The following TNPO3 variants were observed in gnomAD, a reference collection of about 807,000 sequenced individuals.
The protein encoded by TNPO3 is transportin 3, also known as transportin-3.
Under a neutral mutation model 122.8 loss-of-function variants are expected in TNPO3, and 65 were observed. The ratio of observed to expected loss-of-function variants is 0.53; its 90% CI spans 0.43 to 0.65. The LOEUF is 0.65. TNPO3 is among the 30% of genes least tolerant of loss of function. The pLI is 0.00. For missense variants in TNPO3, 850 were observed against 1,136.7 expected (o/e 0.75, Z 3.63); for synonymous variants, 372 against 411.2 (o/e 0.90, Z 1.15).
At position 128,975,863 on chromosome 7, in the gene TNPO3, C is replaced by T. The variant is rs776486294; in HGVS notation, c.2134G>A (p.Gly712Ser). 1 of 1,613,990 alleles carries T rather than the reference C, an allele frequency of 6.2e-7. No homozygotes were observed. ...YLGSILVDEY[G>S]MEEGCRQGLL... ...CCCTGCCGACAGCCTTCTTCCATGC[C>T]ATATTCATCCACAAGGATACTGCCA... is the stretch of plus-strand genomic sequence containing the variant. The change falls in exon 17 of 23, where the codon GGC (glycine) becomes AGC (serine). Residue 712 changes from glycine to serine, a missense_variant. By Grantham distance (56) the Gly-to-Ser change is moderately conservative. Coordinates refer to ENST00000265388, the MANE Select transcript of TNPO3 (RefSeq NM_012470.4).
At chr7:128,986,589 G>T in intron 12 of TNPO3, 140 bp downstream of exon 12, 1 of 718,064 alleles carries the variant, frequency 1.4e-6, no homozygotes, top group Non-Finnish European at 2.3e-6. Context: ...ATCCCCTCTA[G>T]TGGAAAAGCC....
chr7:128,967,636 G>A (rs1217715295), intron 20 of TNPO3, among the ~76,000 whole-genome samples: 1 of 152,144 alleles, frequency 6.6e-6, no homozygotes, highest in African/African-American at 2.4e-5. Flanking sequence ...TTCAGAAAAC[G>A]ACTTTCTACA....
intron 1 of TNPO3, among the ~76,000 whole-genome samples, chr7:129,048,558 T>C (rs1306750085): frequency 3.3e-5 from 5 of 151,908 alleles, no homozygotes; most frequent in South Asian, 4.1e-4. Context: ...GAGAGCCTTA[T>C]TGAGTCAAAA....
intron 15 of TNPO3, among the ~76,000 whole-genome samples, 172 bp downstream of exon 15, chr7:128,979,799 T>C (rs1036318968): frequency 6.6e-6 from 1 of 152,206 alleles, no homozygotes; most frequent in Non-Finnish European, 1.5e-5. Flanking sequence ...TGTTATCAAA[T>C]CTAAAATAAA....
At chr7:128,966,696 A>G (rs1797955519) in intron 21 of TNPO3, among the ~76,000 whole-genome samples, 1 of 152,234 alleles carries the variant, frequency 6.6e-6, no homozygotes, top group African/African-American at 2.4e-5. Flanking sequence ...AACTGTATTA[A>G]AAATATTTAT....
chr7:128,979,552 A>G (rs546025512), intron 15 of TNPO3, among the ~76,000 whole-genome samples: 1 of 152,354 alleles, frequency 6.6e-6, no homozygotes, highest in Non-Finnish European at 1.5e-5. Context: ...GTGTTGATGT[A>G]ATTTGTCCTC....
At chr7:129,027,672 C>T (rs992083186) in intron 1 of TNPO3, among the ~76,000 whole-genome samples, 1 of 149,058 alleles carries the variant, frequency 6.7e-6, no homozygotes, top group African/African-American at 2.5e-5. Context: ...CCACAGTTCC[C>T]AGAAAGAAGG....
chr7:129,041,968 C>T (rs553301711), intron 1 of TNPO3, among the ~76,000 whole-genome samples: 186 of 152,288 alleles, frequency 1.2e-3, no homozygotes, highest in Non-Finnish European at 2.4e-3. Flanking sequence ...CCAAGACTCA[C>T]TTCTATACTA....
intron 8 of TNPO3, among the ~76,000 whole-genome samples, chr7:128,995,038 G>GATCC (rs1304864696): frequency 2.0e-5 from 3 of 152,306 alleles, no homozygotes; most frequent in African/African-American, 7.2e-5. Context: ...GGGTTCAAGT[G>GATCC]ATCCTCCTGC....
rs143807148 is a variant in TNPO3 at position 128,988,484 on chromosome 7, C to A, written c.1498+1477G>T. 7.7e-4 allele frequency among the ~76,000 whole-genome samples: 118 copies of A among 152,276 alleles called. 2 individuals are homozygous for A. The East Asian group carries it at 0.018, about 24-fold the overall frequency. ...TCTAATAATGTAGACTTCTGTGATTCCCAAATTGGGTGTTTGTGGTTTTGA... is the reference window on the plus strand; with the variant it reads ...TCTAATAATGTAGACTTCTGTGATTACCAAATTGGGTGTTTGTGGTTTTGA... On this transcript the variant is annotated intron_variant, in intron 11 of 22. Coordinates refer to ENST00000265388, the MANE Select transcript of TNPO3 (RefSeq NM_012470.4).
At chr7:129,027,676 A>G (rs1039051485) in intron 1 of TNPO3, among the ~76,000 whole-genome samples, 5 of 151,646 alleles carry the variant, frequency 3.3e-5, no homozygotes, top group Non-Finnish European at 5.9e-5. Context: ...AGTTCCCAGA[A>G]AGAAGGGAAT....
rs902772145 is a variant in TNPO3, at chr7:128,954,427, T to A, written c.*990A>T. 6.6e-6 allele frequency: 1 copy of A among 152,198 alleles called. No homozygotes were observed. Among genetic ancestry groups the A allele is most frequent in the African/African-American group, 2.4e-5 (1 of 41,448 alleles). 9.4% of individuals were successfully genotyped at this position (152,198 alleles called of 1,614,324 possible). Reference sequence around the variant, plus strand: ...TCATCCCTTGTTAGCCCTGTAAACATTTTTTCTCCACACACCCTCCCTCTT... The same window carrying A: ...TCATCCCTTGTTAGCCCTGTAAACAATTTTTCTCCACACACCCTCCCTCTT... On this transcript the variant is annotated 3_prime_UTR_variant, in exon 23 of 23. Transcript: ENST00000265388.
In TNPO3 at chr7:129,001,124, A is replaced by T. The variant is rs1489673376; in HGVS notation, c.807T>A (p.Leu269=). The change falls in exon 6 of 23, where the codon CTT becomes CTA. Residue 269 remains leucine, a synonymous_variant. Coordinates refer to ENST00000265388, the MANE Select transcript of TNPO3 (RefSeq NM_012470.4). Reference sequence around the variant, plus strand: ...TCTCCAATGTCAGCACTCCCTGAAAAAGTTGCATGGCTAATGGCAAGTTAG... The same window carrying T: ...TCTCCAATGTCAGCACTCCCTGAAATAGTTGCATGGCTAATGGCAAGTTAG... The part of the protein sequence containing the change: ...VETNLPLAMQ[L]FQGVLTLETA... 6.2e-7 allele frequency: 1 copy of T among 1,614,148 alleles called. No individual in the cohort carries two copies. Among genetic ancestry groups the T allele is most frequent in the South Asian group, 1.1e-5 (1 of 91,084 alleles).
At chr7:129,030,237 C>T in intron 1 of TNPO3, 1 of 217,602 alleles carries the variant, frequency 4.6e-6, no homozygotes. Context: ...CATGTGATGG[C>T]CTTGATCAGA....
chr7:129,029,000 G>T, intron 1 of TNPO3: 2 of 422,536 alleles, frequency 4.7e-6, no homozygotes, highest in South Asian at 1.9e-5. Flanking sequence ...TTCTGATGAT[G>T]ATTAGGATGC....
intron 10 of TNPO3, among the ~76,000 whole-genome samples, chr7:128,991,680 A>G (rs1405277355): frequency 6.6e-6 from 1 of 152,248 alleles, no homozygotes; most frequent in Non-Finnish European, 1.5e-5. Flanking sequence ...TTAAGCAAGT[A>G]CCAACAATTA....
chr7:129,029,052 T>C (rs867202796), intron 1 of TNPO3: 1 of 301,630 alleles, frequency 3.3e-6, no homozygotes. Flanking sequence ...AAGACACATC[T>C]AAGATAGTTA....
chr7:128,997,964 A>G (rs1481501367), intron 7 of TNPO3, among the ~76,000 whole-genome samples: 2 of 151,270 alleles, frequency 1.3e-5, no homozygotes, highest in African/African-American at 4.9e-5. Context: ...CAGCCTCCCA[A>G]GTAGCTGGGA....
intron 4 of TNPO3, among the ~76,000 whole-genome samples, chr7:129,012,354 T>G (rs958501019): frequency 3.3e-5 from 5 of 152,198 alleles, no homozygotes; most frequent in Non-Finnish European, 7.3e-5. Context: ...TAATAGAATT[T>G]TAATTTTTTT....
Sources: allele counts gnomAD v4.1 joint callset (sites outside exome capture counted in the v4.1 genomes callset), GRCh38; gene constraint gnomAD v4.1.1; transcripts MANE v1.5; gene names NCBI Gene and HGNC (gene_info 2026-07-23, HGNC 2026-07-21).